The following CREBBP variants were observed in gnomAD, a reference collection of about 807,000 sequenced individuals.
The protein encoded by CREBBP is CREB-binding protein.
In CREBBP, 19 loss-of-function variants were observed where a neutral mutation model predicts 265.0. That is an observed-to-expected ratio of 0.07 (90% CI 0.05 to 0.11). The LOEUF (loss-of-function observed/expected upper bound fraction) is 0.11, where lower values mean the gene tolerates loss of function less well. CREBBP is among the 10% of genes least tolerant of loss of function. CREBBP has a pLI of 1.00. For synonymous variants in CREBBP, 1,457 were observed against 1,223.7 expected (o/e 1.19, Z -3.98); for missense variants, 2,525 against 3,219.0 (o/e 0.78, Z 5.22).
At chr16:3,853,959 CAA>C (rs577596011) in intron 1 of CREBBP, among the ~76,000 whole-genome samples, 9 of 146,190 alleles carry the variant, frequency 6.2e-5, no homozygotes, top group East Asian at 5.9e-4. Flanking sequence ...AACAAACAAA[CAA>C]ACACACACAC....
chr16:3,777,689 C>A (rs2053177234), intron 10 of CREBBP, 32 bp from the exon 11 acceptor site: 1 of 1,611,192 alleles, frequency 6.2e-7, no homozygotes, highest in Non-Finnish European at 8.5e-7. Context: ...AAAAACAAAA[C>A]CACCCTAGTT....
intron 3 of CREBBP, among the ~76,000 whole-genome samples, chr16:3,802,792 C>T (rs1481023817): frequency 6.6e-6 from 1 of 152,140 alleles, no homozygotes; most frequent in Non-Finnish European, 1.5e-5. Context: ...TCGTCCTCAA[C>T]CTTCCACATC....
At chr16:3,852,947 T>C (rs1214311226) in intron 1 of CREBBP, among the ~76,000 whole-genome samples, 8 of 151,332 alleles carry the variant, frequency 5.3e-5, no homozygotes, top group African/African-American at 9.7e-5. Flanking sequence ...ATGTTCATCT[T>C]AGTATTATCT....
At chr16:3,843,247 A>T (rs2054600658) in intron 2 of CREBBP, among the ~76,000 whole-genome samples, 3 of 152,114 alleles carry the variant, frequency 2.0e-5, no homozygotes, top group African/African-American at 7.2e-5. Flanking sequence ...GTAACATGTG[A>T]CTTGCCTACC....
At chr16:3,835,783 C>T (rs1335815439) in intron 2 of CREBBP, among the ~76,000 whole-genome samples, 8 of 151,428 alleles carry the variant, frequency 5.3e-5, no homozygotes, top group Non-Finnish European at 5.9e-5. Context: ...GGTTTCACCA[C>T]GTTAGCCAGG....
At chr16:3,843,620 T>C (rs907738384) in intron 2 of CREBBP, among the ~76,000 whole-genome samples, 22 of 151,944 alleles carry the variant, frequency 1.4e-4, no homozygotes, top group Middle Eastern at 6.8e-3. Flanking sequence ...AGGGTCTCCC[T>C]ATGTTCACAG....
intron 2 of CREBBP, among the ~76,000 whole-genome samples, chr16:3,815,315 G>A (rs1183689302): frequency 3.3e-5 from 5 of 151,964 alleles, no homozygotes; most frequent in Non-Finnish European, 5.9e-5. Context: ...TAAGGCAGGC[G>A]GATCACTTAA....
rs143941662 is a variant in CREBBP at position 3,831,471 on chromosome 16, G to C, written c.798+18826C>G. Among the ~76,000 whole-genome samples, 372 of 152,096 alleles carry C rather than the reference G, an allele frequency of 2.4e-3. 1 individual carries two copies. Among genetic ancestry groups the C allele is most frequent in the Non-Finnish European group, 4.3e-3 (290 of 67,988 alleles). ...ATTTATTGCCCAAATGTTAATATTG[G>C]AAAAGTCTAAATAACCAGTGATACA... On this transcript the variant is annotated intron_variant, in intron 2 of 30. Coordinates refer to ENST00000262367, the MANE Select transcript of CREBBP (RefSeq NM_004380.3).
In CREBBP at chr16:3,850,894, A is replaced by G; in HGVS notation, c.201T>C (p.His67=). ...GNLVPDAASK[H]KQLSELLRGG... Reference sequence around the variant, plus strand: ...CTCGTAGAAGCTCCGACAGTTGTTTATGTTTGGAAGCAGCATCTGGAACAA... The same window carrying G: ...CTCGTAGAAGCTCCGACAGTTGTTTGTGTTTGGAAGCAGCATCTGGAACAA... The change falls in exon 2 of 31, where the codon CAT becomes CAC. Residue 67 remains histidine, a synonymous_variant. Coordinates refer to ENST00000262367, the MANE Select transcript of CREBBP (RefSeq NM_004380.3). 1 of 1,614,140 alleles carries G rather than the reference A, an allele frequency of 6.2e-7. No homozygotes were observed. Among genetic ancestry groups the G allele is most frequent in the South Asian group, 1.1e-5 (1 of 91,076 alleles).
chr16:3,838,420 T>C (rs954471741), intron 2 of CREBBP, among the ~76,000 whole-genome samples: 1 of 152,152 alleles, frequency 6.6e-6, no homozygotes, highest in South Asian at 2.1e-4. Context: ...AAGTGACACA[T>C]GCCTAAGTTA....
chr16:3,871,408 AG>A (rs1185490268), intron 1 of CREBBP, among the ~76,000 whole-genome samples: 4 of 152,362 alleles, frequency 2.6e-5, no homozygotes, highest in African/African-American at 9.6e-5. Context: ...ACTCACAGTT[AG>A]AAGGTTCTAC....
intron 18 of CREBBP, among the ~76,000 whole-genome samples, 180 bp downstream of exon 18, chr16:3,757,629 A>C (rs1250407215): frequency 6.6e-6 from 1 of 152,096 alleles, no homozygotes; most frequent in African/African-American, 2.4e-5. Context: ...CTCCCTCAGT[A>C]AGCGCCTGTA....
intron 2 of CREBBP, among the ~76,000 whole-genome samples, chr16:3,828,049 A>G (rs1179039051): frequency 2.0e-5 from 3 of 152,104 alleles, no homozygotes; most frequent in Admixed American, 6.5e-5. Context: ...TCTTGCACAT[A>G]GGCCAAGGCA....
intron 20 of CREBBP, 143 bp downstream of exon 20, chr16:3,751,583 C>G (rs955311609): frequency 1.3e-5 from 10 of 783,910 alleles, no homozygotes; most frequent in South Asian, 3.0e-5. Flanking sequence ...AGAATGAGAA[C>G]CTGTCTCAAA....
At chr16:3,868,118 C>T (rs1015332909) in intron 1 of CREBBP, among the ~76,000 whole-genome samples, 16 of 152,110 alleles carry the variant, frequency 1.1e-4, no homozygotes, top group African/African-American at 2.9e-4. Context: ...CTCTAGAATA[C>T]GTAAGAAACA....
intron 10 of CREBBP, 40 bp downstream of exon 10, chr16:3,777,971 A>G (rs768451698): frequency 6.8e-6 from 11 of 1,607,198 alleles, no homozygotes; most frequent in Admixed American, 6.7e-5. Flanking sequence ...AAAACCAAGG[A>G]AACAGGCTAA....
chr16:3,809,183 C>CTT (rs548059923), intron 3 of CREBBP, among the ~76,000 whole-genome samples: 17 of 146,170 alleles, frequency 1.2e-4, no homozygotes, highest in Admixed American at 7.5e-4. Context: ...ACCCAACCAC[C>CTT]TTTTTTTTTT....
chr16:3,834,985 C>G (rs573591655), intron 2 of CREBBP, among the ~76,000 whole-genome samples: 2 of 152,004 alleles, frequency 1.3e-5, no homozygotes, highest in East Asian at 3.9e-4. Context: ...GGTGAAACCC[C>G]GTCTCTAGTA....
At position 3,850,956 on chromosome 16, in the gene CREBBP, T is replaced by C; in HGVS notation, c.139A>G (p.Asn47Asp). The change falls in exon 2 of 31, where the codon AAT becomes GAT. Residue 47 changes from asparagine (N) to aspartate (D), a missense_variant. Coordinates refer to ENST00000262367, the MANE Select transcript of CREBBP (RefSeq NM_004380.3). The part of the protein sequence containing the change: ...ENDLPDELIP[N>D]GGELGLLNSG... ...TTTAAAAGGCCTAATTCTCCTCCATTGGGTATCAGCTCATCAGGAAGATCA... is the reference window on the plus strand; with the variant it reads ...TTTAAAAGGCCTAATTCTCCTCCATCGGGTATCAGCTCATCAGGAAGATCA... 6.2e-7 allele frequency: 1 copy of C among 1,614,178 alleles called. No homozygotes were observed. The highest frequency in any genetic ancestry group is 8.5e-7 in the Non-Finnish European group (1 of 1,180,026).
Sources: allele counts gnomAD v4.1 joint callset (sites outside exome capture counted in the v4.1 genomes callset), GRCh38; gene constraint gnomAD v4.1.1; transcripts MANE v1.5; gene names NCBI Gene and HGNC (gene_info 2026-07-23, HGNC 2026-07-21).